The following DERA variants were observed in gnomAD, a reference collection of about 807,000 sequenced individuals.
DERA encodes the protein deoxyribose-phosphate aldolase.
In DERA, 15 loss-of-function variants were observed where a neutral mutation model predicts 41.1. The observed-to-expected ratio is 0.37, with a 90% CI of 0.24 to 0.56. DERA has a LOEUF of 0.56. Ranked by LOEUF, DERA falls within the 20% of genes least tolerant of loss-of-function variation. The probability of loss-of-function intolerance (pLI) is 0.81; values close to 1 mark genes in which losing one functional copy is unlikely to be tolerated. For synonymous variants in DERA, 139 were observed against 137.4 expected, an observed-to-expected ratio of 1.01 and a Z score of -0.08; for missense variants, 396 against 403.4, an observed-to-expected ratio of 0.98 and a Z score of 0.16.
rs778115046 is a variant in DERA, at chr12:15,938,865, T to A, written c.32-18071T>A. Among the ~76,000 whole-genome samples the A allele has an allele frequency of 8.5e-5, 13 of 152,242 alleles. No individual in the cohort carries two copies. The highest frequency in any genetic ancestry group is 1.9e-4 in the Non-Finnish European group (13 of 68,038). On this transcript the variant is annotated intron_variant, in intron 1 of 8. Transcript: ENST00000428559. This position sits in a 1 kb window ranked among gnomAD's most constrained non-coding sequence, Gnocchi z 4.1. ...AAATACTGTAAAATTAAAAGTCTTCTCAATTTCATTTCTTTCCAGTACAGA... is the reference window on the plus strand; with the variant it reads ...AAATACTGTAAAATTAAAAGTCTTCACAATTTCATTTCTTTCCAGTACAGA...
At chr12:15,927,316 G>A (rs1160407258) in intron 1 of DERA, among the ~76,000 whole-genome samples, 2 of 152,040 alleles carry the variant, frequency 1.3e-5, no homozygotes, top group African/African-American at 2.4e-5. Flanking sequence ...TATTTTGAGA[G>A]GTGTTTATTT....
In DERA at chr12:16,035,420, C is replaced by G. The variant is rs1044489167; in HGVS notation, c.751-812C>G. ...ACCACTACCATCTACAGATTCCCAACTCTACTGGATAGTCAGGTTCCTGAA... is the reference window on the plus strand; with the variant it reads ...ACCACTACCATCTACAGATTCCCAAGTCTACTGGATAGTCAGGTTCCTGAA... On this transcript the variant is annotated intron_variant, in intron 7 of 8. Transcript: ENST00000428559. This position sits in a 1 kb window ranked among gnomAD's most constrained non-coding sequence, Gnocchi z 4.1. Among the ~76,000 whole-genome samples the G allele has an allele frequency of 4.6e-5, 7 of 152,192 alleles. No homozygotes were observed. Among genetic ancestry groups the G allele is most frequent in the Non-Finnish European group, 8.8e-5 (6 of 68,046 alleles).
chr12:16,031,584 CACTG>C (rs1283839183), intron 6 of DERA, among the ~76,000 whole-genome samples: 1 of 152,196 alleles, frequency 6.6e-6, no homozygotes, highest in Non-Finnish European at 1.5e-5. Context: ...ACATCTTCCA[CACTG>C]ACTATTTCAG....
chr12:16,019,933 T>G lies in DERA; in HGVS notation c.638-12609T>G, dbSNP rs928970163. On this transcript the variant is annotated intron_variant, in intron 6 of 8. Coordinates refer to ENST00000428559, the MANE Select transcript of DERA (RefSeq NM_015954.4). The surrounding 1 kb of genome is among the most constrained non-coding windows in gnomAD (Gnocchi z 4.4). Reference sequence around the variant, plus strand: ...TCATGAATGGCTTTAGCACCATCCCTTTTGGTGATGAGTGATTTCTTGCTC... The same window carrying G: ...TCATGAATGGCTTTAGCACCATCCCGTTTGGTGATGAGTGATTTCTTGCTC... Among the ~76,000 whole-genome samples the G allele has an allele frequency of 6.6e-6, 1 of 152,162 alleles. No homozygotes were observed. The highest frequency in any genetic ancestry group is 6.5e-5 in the Admixed American group (1 of 15,276).
At position 16,017,649 on chromosome 12, in the gene DERA, G is replaced by T. The variant is rs780431170; in HGVS notation, c.638-14893G>T. Among the ~76,000 whole-genome samples the T allele has an allele frequency of 3.3e-5, 5 of 152,110 alleles. No homozygotes were observed. The highest frequency in any genetic ancestry group is 5.9e-5 in the Non-Finnish European group (4 of 67,996). On this transcript the variant is annotated intron_variant, in intron 6 of 8. Coordinates refer to ENST00000428559, the MANE Select transcript of DERA (RefSeq NM_015954.4). The surrounding 1 kb of genome is among the most constrained non-coding windows in gnomAD (Gnocchi z 5.5). ...ATTTCCAAACCTATGTTGAACAAAA[G>T]AATACAATATTGAAGACTTTTAATT...
chr12:15,977,677 C>T (rs1028650651), intron 5 of DERA, among the ~76,000 whole-genome samples: 1 of 152,126 alleles, frequency 6.6e-6, no homozygotes, highest in East Asian at 1.9e-4. Flanking sequence ...AGACTTGTCT[C>T]GAACTCCTGA....
intron 6 of DERA, among the ~76,000 whole-genome samples, chr12:16,005,994 G>T (rs893017583): frequency 7.2e-5 from 11 of 152,118 alleles, no homozygotes; most frequent in Admixed American, 7.2e-4. Context: ...TGTGGCCATT[G>T]TCTGAAATTC....
rs71438364 is a variant in DERA, at chr12:16,029,913, C to CTTTTTTTTTT, written c.638-2611_638-2602dup. On this transcript the variant is annotated intron_variant, in intron 6 of 8. Transcript: ENST00000428559. Reference sequence around the variant, plus strand: ...TCAGACCTCCAAATGTAGCCTTGGTCTTTTTTTTTTTTTTTTTTTTTTTTT... The same window carrying CTTTTTTTTTT: ...TCAGACCTCCAAATGTAGCCTTGGTCTTTTTTTTTTTTTTTTTTTTTTTTTTTTTTTTTTT... 1.1e-3 allele frequency among the ~76,000 whole-genome samples: 63 copies of CTTTTTTTTTT among 59,718 alleles called. 17 individuals carry two copies. The highest frequency in any genetic ancestry group is 1.9e-3 in the East Asian group (3 of 1,564). 39.2% of individuals were successfully genotyped at this position (59,718 alleles called of 152,430 possible). A position where few individuals can be genotyped will look rare whatever the true frequency, so the allele number is the denominator to read the frequency against.
chr12:15,964,657 A>G (rs1029041048), intron 5 of DERA, among the ~76,000 whole-genome samples: 9 of 152,382 alleles, frequency 5.9e-5, no homozygotes, highest in Admixed American at 1.3e-4. Flanking sequence ...ATCTGGCAAT[A>G]AACTTTATGT....
chr12:16,027,836 TC>T (rs1949063174), intron 6 of DERA, among the ~76,000 whole-genome samples: 1 of 152,090 alleles, frequency 6.6e-6, no homozygotes, highest in African/African-American at 2.4e-5. Flanking sequence ...TCCCCCCAAA[TC>T]AACAAACTCC....
At chr12:15,952,459 T>A (rs1948505708) in intron 1 of DERA, among the ~76,000 whole-genome samples, 3 of 152,186 alleles carry the variant, frequency 2.0e-5, no homozygotes, top group African/African-American at 7.2e-5. Context: ...TCATAAAGTC[T>A]AGACTAGAGC....
rs1461816540 is a variant in DERA at position 15,995,878 on chromosome 12, C to G, written c.637+13442C>G. ...AAAGGAAGATTTTTCTCTCTTAACT[C>G]AAAGTAGTAGGACTAGGACCAACTT... On this transcript the variant is annotated intron_variant, in intron 6 of 8. Coordinates refer to ENST00000428559, the MANE Select transcript of DERA (RefSeq NM_015954.4). This position sits in a 1 kb window ranked among gnomAD's most constrained non-coding sequence, Gnocchi z 5.1. 2.0e-5 allele frequency among the ~76,000 whole-genome samples: 3 copies of G among 152,130 alleles called. No individual in the cohort carries two copies. The highest frequency in any genetic ancestry group is 7.2e-5 in the African/African-American group (3 of 41,420).
At chr12:15,912,083 CAT>C (rs1372172188) in intron 1 of DERA, among the ~76,000 whole-genome samples, 1 of 149,494 alleles carries the variant, frequency 6.7e-6, no homozygotes, top group Admixed American at 6.7e-5. Context: ...TTGGCAGGGT[CAT>C]AGGACAGTAG....
chr12:16,003,224 A>G lies in DERA; in HGVS notation c.637+20788A>G, dbSNP rs935080446. On this transcript the variant is annotated intron_variant, in intron 6 of 8. Coordinates refer to ENST00000428559, the MANE Select transcript of DERA (RefSeq NM_015954.4). The surrounding 1 kb of genome is among the most constrained non-coding windows in gnomAD (Gnocchi z 4.8). ...CCTTTGTGATGATATGGTGTTCTTCATGTTGTATGTCTGTCTCTTCACCTG... is the reference window on the plus strand; with the variant it reads ...CCTTTGTGATGATATGGTGTTCTTCGTGTTGTATGTCTGTCTCTTCACCTG... 3.3e-5 allele frequency among the ~76,000 whole-genome samples: 5 copies of G among 152,212 alleles called. No individual in the cohort carries two copies. The highest frequency in any genetic ancestry group is 7.4e-5 in the Non-Finnish European group (5 of 68,010).
At position 16,037,209 on chromosome 12, in the gene DERA, A is replaced by T. The variant is rs2136192499; in HGVS notation, c.*463A>T. The T allele has an allele frequency of 6.5e-6, 1 of 152,842 alleles. No homozygotes were observed. The highest frequency in any genetic ancestry group is 3.4e-3 in the Middle Eastern group (1 of 298). The allele number at this position is 152,842 out of a possible 1,614,324, so 9.5% of individuals were successfully genotyped here. ...ATTTTTGCCGTGGATAGGCGCTTTT[A>T]TTAATTGTTGTCCTAATGAAATTTC... On this transcript the variant is annotated 3_prime_UTR_variant, in exon 9 of 9. Coordinates refer to ENST00000428559, the MANE Select transcript of DERA (RefSeq NM_015954.4). The surrounding 1 kb of genome is among the most constrained non-coding windows in gnomAD (Gnocchi z 6.7).
At chr12:15,963,804 T>C (rs1350283266) in intron 5 of DERA, among the ~76,000 whole-genome samples, 1 of 152,172 alleles carries the variant, frequency 6.6e-6, no homozygotes, top group Non-Finnish European at 1.5e-5. Flanking sequence ...GATAGGATTT[T>C]ATCTCTTATT....
rs2045870 is a variant in DERA, at chr12:15,972,014, C to G, written c.508+9067C>G. ...ATCTGGTCTCATAGGAAGACAGCAC[C>G]TCGTGTAGCTTCCTGCGATCTGACC... On this transcript the variant is annotated intron_variant, in intron 5 of 8. Transcript: ENST00000428559. This position sits in a 1 kb window ranked among gnomAD's most constrained non-coding sequence, Gnocchi z 4.4. 2.9e-5 allele frequency: 5 copies of G among 172,002 alleles called. No individual in the cohort carries two copies. Among genetic ancestry groups the G allele is most frequent in the Non-Finnish European group, 6.3e-5 (5 of 79,900 alleles). 10.7% of individuals were successfully genotyped at this position (172,002 alleles called of 1,614,324 possible).
chr12:15,957,047 T>C lies in DERA; in HGVS notation c.129+14T>C. On this transcript the variant is annotated intron_variant, in intron 2 of 8. Transcript: ENST00000428559. The surrounding 1 kb of genome is among the most constrained non-coding windows in gnomAD (Gnocchi z 4.8). ...AAGGAGTGGCAGGTAAGGGTTCTTC[T>C]TGAGCATTCTGTGCCTGTATTTTAC... 3 of 1,605,200 alleles carry C rather than the reference T, an allele frequency of 1.9e-6. No homozygotes were observed. The highest frequency in any genetic ancestry group is 2.6e-6 in the Non-Finnish European group (3 of 1,172,118).
chr12:15,944,093 G>A (rs901386430), intron 1 of DERA, among the ~76,000 whole-genome samples: 13 of 152,212 alleles, frequency 8.5e-5, no homozygotes, highest in African/African-American at 3.1e-4. Context: ...ATTCCATGGT[G>A]TATATGTGCC....
Sources: gnomAD v4.1 joint callset for allele counts (sites outside exome capture counted in the v4.1 genomes callset) on GRCh38, gnomAD v4.1.1 for gene constraint, Gnocchi (gnomAD v3.1) non-coding constraint, MANE v1.5 for transcripts, NCBI Gene and HGNC (gene_info 2026-07-23, HGNC 2026-07-21) for gene names.